Variants in TCF7 observed in about 807,000 individuals in gnomAD.
TCF7 encodes the protein T-cell-factor-7.
A neutral mutation model predicts 46.8 loss-of-function variants in TCF7; 19 were observed. That is an observed-to-expected ratio of 0.41 (90% confidence interval 0.28 to 0.60). TCF7 has a LOEUF of 0.60. TCF7 is among the 20% of genes least tolerant of loss of function. The pLI, the probability that TCF7 is intolerant of heterozygous loss-of-function variation, is 0.35. For missense variants in TCF7, 547 were observed against 504.6 expected (o/e 1.08, Z -0.81); for synonymous variants, 245 against 213.4 (o/e 1.15, Z -1.29).
At chr5:134,143,523 G>C (rs371676873) in intron 8 of TCF7, 69 bp from the exon 9 acceptor site, 1 of 1,597,294 alleles carries the variant, frequency 6.3e-7, no homozygotes, top group African/African-American at 1.3e-5. Flanking sequence ...ACCCAAGCTA[G>C]GCAGCAGGCT....
chr5:134,138,965 C>G lies in TCF7; in HGVS notation c.562C>G (p.Gln188Glu), dbSNP rs1759314654. Residue 188 changes from glutamine to glutamate, a missense_variant, in exon 5 of 10, where the codon CAG (glutamine) becomes GAG (glutamate). Coordinates refer to ENST00000342854, the MANE Select transcript of TCF7 (RefSeq NM_003202.5). The stretch of plus-strand genomic sequence containing the variant: ...CTCCTCTGCAGTTCACAGGCCTCTG[C>G]AGACCCCTGACCTCTCTGGCTTCTA... ...ISQKQVHRPL[Q>E]TPDLSGFYSL... The G allele has an allele frequency of 6.2e-7, 1 of 1,613,826 alleles. No homozygotes were observed. The highest frequency in any genetic ancestry group is 1.7e-5 in the Admixed American group (1 of 60,004).
At chr5:134,132,696 G>T (rs911108397) in intron 3 of TCF7, among the ~76,000 whole-genome samples, 2 of 146,248 alleles carry the variant, frequency 1.4e-5, no homozygotes, top group East Asian at 2.2e-4. Flanking sequence ...CAGGGAAAAT[G>T]CCGACTGTGT....
intron 3 of TCF7, among the ~76,000 whole-genome samples, chr5:134,133,157 A>G (rs982993138): frequency 1.3e-5 from 2 of 152,068 alleles, no homozygotes; most frequent in Admixed American, 1.3e-4. Context: ...GGGGAGACAG[A>G]GGGGCAAAGG....
Position 134,146,722 on chromosome 5 carries a change from T to C in TCF7, c.*419T>C. The stretch of plus-strand genomic sequence containing the variant: ...CAAGTGGTGGGAATCAGATCTGTCT[T>C]GATGTGTCATCTAATTAAGGGAATC... On this transcript the variant is annotated 3_prime_UTR_variant, in exon 10 of 10. Transcript: ENST00000342854. The C allele has an allele frequency of 1.7e-6, 1 of 599,150 alleles. No individual in the cohort carries two copies. The highest frequency in any genetic ancestry group is 2.9e-6 in the Non-Finnish European group (1 of 339,312). The allele number at this position is 599,150 out of a possible 1,614,324, so 37.1% of individuals were successfully genotyped here. A position where few individuals can be genotyped will look rare whatever the true frequency, so the allele number is the denominator to read the frequency against.
At chr5:134,121,255 G>C (rs1352800356) in intron 3 of TCF7, among the ~76,000 whole-genome samples, 1 of 151,574 alleles carries the variant, frequency 6.6e-6, no homozygotes, top group Non-Finnish European at 1.5e-5. Flanking sequence ...CTTTACATGA[G>C]ATGTTAGAAG....
chr5:134,115,026 C>A lies in TCF7; in HGVS notation c.120C>A (p.Ser40Arg). 1 of 1,255,874 alleles carries A rather than the reference C, an allele frequency of 8.0e-7. No individual in the cohort carries two copies. Among genetic ancestry groups the A allele is most frequent in the Non-Finnish European group, 1.0e-6 (1 of 975,538 alleles). The allele number at this position is 1,255,874 out of a possible 1,614,324, so 77.8% of individuals were successfully genotyped here. ...GEEQDDKSRD[S>R]AAGPERDLAE... ...AGCAGGACGACAAGAGCCGCGACAG[C>A]GCCGCCGGTCCCGAGCGCGACCTGG... The change falls in exon 1 of 10, where the codon AGC becomes AGA. Residue 40 changes from serine to arginine, a missense_variant. By Grantham distance (110) the Ser-to-Arg change is moderately radical. Transcript: ENST00000342854.
In TCF7 at chr5:134,146,292, ACAGTGCTCTAGG is replaced by A. The variant is rs1294084491; in HGVS notation, c.1146_*2del. 6.2e-7 allele frequency: 1 copy of A among 1,614,144 alleles called. No individual in the cohort carries two copies. The highest frequency in any genetic ancestry group is 1.3e-5 in the African/African-American group (1 of 75,026). ...TGCCCCAGCCCCGTTCCTTCCGATG[ACAGTGCTCTAGG>A]CTGCCCCGGGTCCCCAGCTCCCCAG... On this transcript the variant is annotated stop_lost and 3_prime_UTR_variant, in exon 10 of 10. Transcript: ENST00000342854.
In TCF7 at chr5:134,146,261, G is replaced by T. The variant is rs1760688046; in HGVS notation, c.1113G>T (p.Lys371Asn). The T allele has an allele frequency of 6.2e-7, 1 of 1,614,182 alleles. No homozygotes were observed. Among genetic ancestry groups the T allele is most frequent in the Non-Finnish European group, 8.5e-7 (1 of 1,180,038 alleles). ...ATGCATTCGGTACTTACCCGGAGAA[G>T]GCCGCTGCCCCAGCCCCGTTCCTTC... ...KRNAFGTYPE[K>N]AAAPAPFLPM... Residue 371 changes from lysine to asparagine, a missense_variant, in exon 10 of 10, where the codon AAG (lysine) becomes AAT (asparagine). By Grantham distance (94) the Lys-to-Asn change is moderately conservative (BLOSUM62 0). This residue lies in a region of TCF7 where 90 missense variants were observed against 88.8 expected (regional missense o/e 1.01). Coordinates refer to ENST00000342854, the MANE Select transcript of TCF7 (RefSeq NM_003202.5).
intron 2 of TCF7, 93 bp from the exon 3 acceptor site, chr5:134,115,816 C>G: frequency 6.3e-7 from 1 of 1,581,406 alleles, no homozygotes; most frequent in Non-Finnish European, 8.6e-7. Flanking sequence ...TGCAGGGGAC[C>G]CCTTGGCAAT....
chr5:134,145,841 G>A (rs1259956414), intron 9 of TCF7: 6 of 1,611,350 alleles, frequency 3.7e-6, no homozygotes, highest in Non-Finnish European at 8.5e-7. Flanking sequence ...GGCTGGGCAA[G>A]GAAGCCATAG....
At chr5:134,143,534 G>A (rs1303936931) in intron 8 of TCF7, 58 bp from the exon 9 acceptor site, 1 of 1,604,808 alleles carries the variant, frequency 6.2e-7, no homozygotes, top group Non-Finnish European at 8.5e-7. Context: ...GCAGCAGGCT[G>A]TGGGTATCCC....
upstream of TCF7, among the ~76,000 whole-genome samples, chr5:134,113,326 T>A (rs1755385921): frequency 1.3e-5 from 2 of 151,836 alleles, no homozygotes. Flanking sequence ...GAGGGGGGTG[T>A]GGGGGCTGGT....
intron 6 of TCF7, 71 bp downstream of exon 6, chr5:134,142,375 G>A: frequency 1.5e-6 from 2 of 1,343,896 alleles, no homozygotes; most frequent in Non-Finnish European, 2.0e-6. Flanking sequence ...CAGGCCTGAG[G>A]ACTGCCACGA....
rs775698005 is a variant in TCF7, at chr5:134,145,704, G to A, written c.1076-520G>A. On this transcript the variant is annotated intron_variant, in intron 9 of 9. Coordinates refer to ENST00000342854, the MANE Select transcript of TCF7 (RefSeq NM_003202.5). ...CATATGCACGGTGGGAAACAACCCT[G>A]TCTTCAGGGGAAGTTCTATTCCATT... 1.9e-6 allele frequency: 3 copies of A among 1,611,224 alleles called. No homozygotes were observed. In the African/African-American group the frequency reaches 4.0e-5, roughly 22 times the overall value.
At chr5:134,134,514 T>C (rs1184685013) in intron 3 of TCF7, among the ~76,000 whole-genome samples, 2 of 152,246 alleles carry the variant, frequency 1.3e-5, no homozygotes, top group Non-Finnish European at 2.9e-5. Context: ...TCAGGGCTGA[T>C]GTTGCCTGGC....
upstream of TCF7, among the ~76,000 whole-genome samples, chr5:134,110,521 A>T (rs1399419269): frequency 2.0e-5 from 3 of 152,236 alleles, no homozygotes; most frequent in Non-Finnish European, 4.4e-5. Context: ...AACTACACAG[A>T]GTTTCCAGAA....
intron 3 of TCF7, among the ~76,000 whole-genome samples, chr5:134,133,533 A>C (rs1400914014): frequency 6.6e-6 from 1 of 152,098 alleles, no homozygotes; most frequent in Non-Finnish European, 1.5e-5. Context: ...GAGGCCCTGG[A>C]GTGGGACGTT....
At chr5:134,131,351 C>T (rs1561672142) in intron 3 of TCF7, among the ~76,000 whole-genome samples, 1 of 152,212 alleles carries the variant, frequency 6.6e-6, no homozygotes, top group Non-Finnish European at 1.5e-5. Context: ...TCACACGTGG[C>T]ATTTATGTTA....
At chr5:134,137,650 A>T (rs1460718029) in intron 3 of TCF7, among the ~76,000 whole-genome samples, 2 of 152,134 alleles carry the variant, frequency 1.3e-5, no homozygotes, top group African/African-American at 4.8e-5. Context: ...TGGGGGCTAG[A>T]AGATGAGGAA....
Sources: gnomAD v4.1 joint callset for allele counts (sites outside exome capture counted in the v4.1 genomes callset) on GRCh38, gnomAD v4.1.1 for gene constraint, gnomAD v4.1.1 regional missense constraint, MANE v1.5 for transcripts, NCBI Gene and HGNC (gene_info 2026-07-23, HGNC 2026-07-21) for gene names.